ZFP14: variants seen among roughly 807,000 people sequenced by gnomAD.
The protein encoded by ZFP14 is ZFP14 zinc finger protein, also known as zinc finger protein 14 homolog.
Under a neutral mutation model 54.5 loss-of-function variants are expected in ZFP14, and 22 were observed. That is an observed-to-expected ratio of 0.40 (90% CI 0.29 to 0.58). The LOEUF (loss-of-function observed/expected upper bound fraction) is 0.58, where lower values mean the gene tolerates loss of function less well. Ranked by LOEUF, ZFP14 falls within the 20% of genes least tolerant of loss-of-function variation. ZFP14 has a pLI of 0.39. For synonymous variants in ZFP14, 159 were observed against 204.0 expected, an observed-to-expected ratio of 0.78 and a Z score of 1.88; for missense variants, 470 against 637.8, an observed-to-expected ratio of 0.74 and a Z score of 2.83.
Position 36,367,884 on chromosome 19 carries a change from A to G in ZFP14, c.9T>C (p.His3=). 1.2e-6 allele frequency: 2 copies of G among 1,612,438 alleles called. No homozygotes were observed. The highest frequency in any genetic ancestry group is 8.5e-7 in the Non-Finnish European group (1 of 1,179,066). MA[H]GSVTFRDVAI... The stretch of plus-strand genomic sequence containing the variant: ...AAAGGACAGAGAAACATTAACTTAC[A>G]TGGGCCATGGTTTTAGAACTGCAAA... Residue 3 remains histidine, a splice_region_variant and synonymous_variant, in exon 2 of 5, where the codon CAT becomes CAC. Transcript: ENST00000270001.
intron 1 of ZFP14, among the ~76,000 whole-genome samples, chr19:36,369,920 G>A (rs924878663): frequency 2.0e-5 from 3 of 152,024 alleles, no homozygotes; most frequent in African/African-American, 7.2e-5. Context: ...CAGCAGCCTC[G>A]ACCTCCCGGG....
intron 2 of ZFP14, 134 bp from the exon 3 acceptor site, chr19:36,362,372 A>G: frequency 1.1e-6 from 1 of 887,052 alleles, no homozygotes; most frequent in South Asian, 2.1e-5. Flanking sequence ...AAAACTTGTG[A>G]CATGAGTAGG....
At chr19:36,344,252 G>A (rs564870963) in intron 4 of ZFP14, among the ~76,000 whole-genome samples, 6 of 152,204 alleles carry the variant, frequency 3.9e-5, no homozygotes, top group Admixed American at 1.3e-4. Context: ...TGATCTGCCC[G>A]CCTCGGCCTC....
chr19:36,368,689 C>A (rs749979080), intron 1 of ZFP14, among the ~76,000 whole-genome samples: 1 of 152,098 alleles, frequency 6.6e-6, no homozygotes, highest in Non-Finnish European at 1.5e-5. Context: ...GCCTGAACTA[C>A]CTAAACACAG....
chr19:36,340,655 T>G lies in ZFP14; in HGVS notation c.1171A>C (p.Thr391Pro). 1 of 1,614,080 alleles carries G rather than the reference T, an allele frequency of 6.2e-7. No homozygotes were observed. Among genetic ancestry groups the G allele is most frequent in the Non-Finnish European group, 8.5e-7 (1 of 1,180,010 alleles). The change falls in exon 5 of 5, where the codon ACT (threonine) becomes CCT (proline). Residue 391 changes from threonine (T) to proline (P), a missense_variant. Thr to Pro is a conservative substitution (Grantham distance 38). Transcript: ENST00000270001. This position sits in a 1 kb window ranked among gnomAD's most constrained non-coding sequence, Gnocchi z 5.4. Reference sequence around the variant, plus strand: ...ATACATTCATAGGGTTTCTCACGAGTATGTATTCTCTGATGGCGAACTAGT... The same window carrying G: ...ATACATTCATAGGGTTTCTCACGAGGATGTATTCTCTGATGGCGAACTAGT... ...QQLVRHQRIH[T>P]REKPYECMEC...
chr19:36,371,896 T>A (rs1439360729), intron 1 of ZFP14, among the ~76,000 whole-genome samples: 1 of 149,352 alleles, frequency 6.7e-6, no homozygotes, highest in African/African-American at 2.5e-5. Context: ...AGTTCAAGGT[T>A]GCAGTGAGCT....
intron 4 of ZFP14, among the ~76,000 whole-genome samples, chr19:36,357,811 C>T (rs183133517): frequency 9.1e-4 from 137 of 151,372 alleles, no homozygotes; most frequent in Admixed American, 1.8e-3. Context: ...GGTGTGATCT[C>T]GGCTCACTGC....
chr19:36,352,801 C>G (rs1437860480), intron 4 of ZFP14, among the ~76,000 whole-genome samples: 1 of 142,076 alleles, frequency 7.0e-6, no homozygotes, highest in Non-Finnish European at 1.6e-5. Context: ...ATTAGCCGGG[C>G]GTGGTGGCAG....
At position 36,334,689 on chromosome 19, in the gene ZFP14, T is replaced by C. The variant is rs1213842171; in HGVS notation, c.*5535A>G. ...GCCCCCAACACAACCACTCACCATA[T>C]CTAAAATTACACCCTTGAAGACATT... On this transcript the variant is annotated 3_prime_UTR_variant, in exon 5 of 5. Coordinates refer to ENST00000270001, the MANE Select transcript of ZFP14 (RefSeq NM_020917.3). 6.6e-6 allele frequency: 1 copy of C among 152,124 alleles called. No homozygotes were observed. Among genetic ancestry groups the C allele is most frequent in the African/African-American group, 2.4e-5 (1 of 41,408 alleles). The allele number at this position is 152,124 out of a possible 1,614,324, so 9.4% of individuals were successfully genotyped here. A position where few individuals can be genotyped will look rare whatever the true frequency, so the allele number is the denominator to read the frequency against.
chr19:36,360,152 T>C (rs1342515582), intron 4 of ZFP14: 1 of 228,650 alleles, frequency 4.4e-6, no homozygotes, highest in Non-Finnish European at 8.4e-6. Flanking sequence ...TTTCTGCTCT[T>C]ATATTTATTT....
Position 36,340,052 on chromosome 19 carries a change from G to T in ZFP14, c.*172C>A. The T allele has an allele frequency of 1.7e-6, 1 of 599,370 alleles. No individual in the cohort carries two copies. The highest frequency in any genetic ancestry group is 2.6e-6 in the Non-Finnish European group (1 of 383,650). 37.1% of individuals were successfully genotyped at this position (599,370 alleles called of 1,614,324 possible). A position where few individuals can be genotyped will look rare whatever the true frequency, so the allele number is the denominator to read the frequency against. On this transcript the variant is annotated 3_prime_UTR_variant, in exon 5 of 5. Coordinates refer to ENST00000270001, the MANE Select transcript of ZFP14 (RefSeq NM_020917.3). The surrounding 1 kb of genome is among the most constrained non-coding windows in gnomAD (Gnocchi z 5.4). ...CATTCATTACATTATTCTCTCATAG[G>T]AATTTGCTGAAGATAAACCATGTTT...
chr19:36,359,125 T>C (rs2031667953), intron 4 of ZFP14, among the ~76,000 whole-genome samples: 1 of 152,192 alleles, frequency 6.6e-6, no homozygotes, highest in Non-Finnish European at 1.5e-5. Flanking sequence ...AATTACTGAA[T>C]TTCAAGGTAT....
At chr19:36,373,920 A>AG (rs983270848) in intron 1 of ZFP14, among the ~76,000 whole-genome samples, 2 of 150,750 alleles carry the variant, frequency 1.3e-5, no homozygotes, top group African/African-American at 4.9e-5. Context: ...TCAAAAAAAA[A>AG]AAAAAAGAAA....
intron 2 of ZFP14, among the ~76,000 whole-genome samples, chr19:36,363,001 C>T (rs991601652): frequency 1.3e-5 from 2 of 151,840 alleles, no homozygotes; most frequent in Non-Finnish European, 2.9e-5. Context: ...AATAAAATCT[C>T]GAAAGTCTTC....
Position 36,336,238 on chromosome 19 carries a change from C to CTTTTTTT in ZFP14, c.*3979_*3985dup, listed in dbSNP as rs11374670. The stretch of plus-strand genomic sequence containing the variant: ...ACTTTCTACTGTTACTTGGCTGTTC[C>CTTTTTTT]TTTTTTTTTTTTTTTTTTTTTGACA... On this transcript the variant is annotated 3_prime_UTR_variant, in exon 5 of 5. Transcript: ENST00000270001. The CTTTTTTT allele has an allele frequency of 4.8e-5, 5 of 103,476 alleles. No individual in the cohort carries two copies. The highest frequency in any genetic ancestry group is 7.8e-5 in the African/African-American group (2 of 25,516). 6.4% of individuals were successfully genotyped at this position (103,476 alleles called of 1,614,324 possible). A position where few individuals can be genotyped will look rare whatever the true frequency, so the allele number is the denominator to read the frequency against.
chr19:36,360,792 T>A (rs1461082988), intron 3 of ZFP14, among the ~76,000 whole-genome samples: 1 of 152,200 alleles, frequency 6.6e-6, no homozygotes, highest in Non-Finnish European at 1.5e-5. Context: ...TAATTTAACC[T>A]CACACAAGCT....
At chr19:36,346,551 G>C (rs572803772) in intron 4 of ZFP14, among the ~76,000 whole-genome samples, 1 of 151,860 alleles carries the variant, frequency 6.6e-6, no homozygotes, top group Non-Finnish European at 1.5e-5. Context: ...TCTGCCTCCC[G>C]GGTTCAAGTG....
chr19:36,377,783 G>A (rs2031986059), intron 1 of ZFP14, among the ~76,000 whole-genome samples: 1 of 151,950 alleles, frequency 6.6e-6, no homozygotes, highest in Admixed American at 6.6e-5. Flanking sequence ...GGGAGGCGGA[G>A]GTTTCAGTGA....
At chr19:36,375,358 G>A (rs1158942232) in intron 1 of ZFP14, among the ~76,000 whole-genome samples, 1 of 151,376 alleles carries the variant, frequency 6.6e-6, no homozygotes, top group African/African-American at 2.4e-5. Context: ...CCTTCATCGT[G>A]AGATTGCTGA....
Sources: gnomAD v4.1 joint callset for allele counts (sites outside exome capture counted in the v4.1 genomes callset) on GRCh38, gnomAD v4.1.1 for gene constraint, Gnocchi (gnomAD v3.1) non-coding constraint, MANE v1.5 for transcripts, NCBI Gene and HGNC (gene_info 2026-07-23, HGNC 2026-07-21) for gene names.